The following IGSF21 variants were observed in gnomAD, a reference collection of about 807,000 sequenced individuals.
IGSF21 encodes the protein immunoglobulin superfamily member 21.
In IGSF21, 28 loss-of-function variants were observed where a neutral mutation model predicts 46.8. The ratio of observed to expected loss-of-function variants is 0.60; its 90% CI spans 0.44 to 0.82. The LOEUF (loss-of-function observed/expected upper bound fraction) is 0.82, where lower values mean the gene tolerates loss of function less well. Ranked by LOEUF, IGSF21 falls within the 40% of genes least tolerant of loss-of-function variation. The pLI is 0.00. For synonymous variants in IGSF21, 284 were observed against 273.6 expected (o/e 1.04, Z -0.38); for missense variants, 624 against 665.5 (o/e 0.94, Z 0.69).
chr1:18,352,937 G>A (rs555196455), intron 4 of IGSF21, among the ~76,000 whole-genome samples: 6 of 152,198 alleles, frequency 3.9e-5, no homozygotes, highest in Admixed American at 6.5e-5. Context: ...CTCAGATTCC[G>A]GCAATGACCT....
intron 2 of IGSF21, among the ~76,000 whole-genome samples, chr1:18,237,883 A>G (rs1407951642): frequency 2.0e-5 from 3 of 152,214 alleles, no homozygotes; most frequent in African/African-American, 7.2e-5. Context: ...CAATGTAATT[A>G]AACAATATAT....
chr1:18,158,201 C>A (rs1457797511), intron 1 of IGSF21, among the ~76,000 whole-genome samples: 2 of 152,220 alleles, frequency 1.3e-5, no homozygotes, highest in Non-Finnish European at 2.9e-5. Context: ...GCCTTAGGAC[C>A]CCCTGCCATG....
At chr1:18,198,473 G>A (rs929085734) in intron 1 of IGSF21, among the ~76,000 whole-genome samples, 11 of 152,214 alleles carry the variant, frequency 7.2e-5, no homozygotes, top group South Asian at 2.1e-4. Context: ...CCAAGGGATC[G>A]TCGTCATTCA....
rs116215347 is a variant in IGSF21, at chr1:18,337,632, G to A, written c.424+2622G>A. Reference sequence around the variant, plus strand: ...GTCTCTGGGAGTGGCAGAGACAGGGGTCTCTCCTTACTCACCTTCTCTGGG... The same window carrying A: ...GTCTCTGGGAGTGGCAGAGACAGGGATCTCTCCTTACTCACCTTCTCTGGG... On this transcript the variant is annotated intron_variant, in intron 4 of 9. Transcript: ENST00000251296. The surrounding 1 kb of genome is among the most constrained non-coding windows in gnomAD (Gnocchi z 5.7). Among the ~76,000 whole-genome samples the A allele has an allele frequency of 0.013, 1,641 of 124,988 alleles. 21 individuals carry two copies. The highest frequency in any genetic ancestry group is 0.044 in the African/African-American group (1,562 of 35,612). The allele number at this position is 124,988 out of a possible 152,430, so 82.0% of individuals were successfully genotyped here. A position where few individuals can be genotyped will look rare whatever the true frequency, so the allele number is the denominator to read the frequency against.
intron 1 of IGSF21, among the ~76,000 whole-genome samples, chr1:18,132,403 T>G (rs868657483): frequency 2.0e-5 from 3 of 152,198 alleles, no homozygotes; most frequent in South Asian, 2.1e-4. Context: ...GCATGGTGCA[T>G]GGCAAAAGGC....
rs569173648 is a variant in IGSF21, at chr1:18,290,934, G to A, written c.184-932G>A. On this transcript the variant is annotated intron_variant, in intron 2 of 9. Coordinates refer to ENST00000251296, the MANE Select transcript of IGSF21 (RefSeq NM_032880.5). The surrounding 1 kb of genome is among the most constrained non-coding windows in gnomAD (Gnocchi z 4.2). The stretch of plus-strand genomic sequence containing the variant: ...GGCCTCCCCATTGCAGGCTGTTAGC[G>A]CAGAGCCCAGCTGAGCTGCGAGAGG... Among the ~76,000 whole-genome samples the A allele has an allele frequency of 3.3e-5, 5 of 152,236 alleles. No individual in the cohort carries two copies. Among genetic ancestry groups the A allele is most frequent in the Admixed American group, 1.3e-4 (2 of 15,290 alleles).
At chr1:18,231,798 T>C (rs2084628188) in intron 2 of IGSF21, among the ~76,000 whole-genome samples, 1 of 152,118 alleles carries the variant, frequency 6.6e-6, no homozygotes, top group Non-Finnish European at 1.5e-5. Context: ...GCCTCTGGAA[T>C]ACACTGTGCT....
At chr1:18,294,849 C>T (rs901111570) in intron 3 of IGSF21, among the ~76,000 whole-genome samples, 10 of 152,226 alleles carry the variant, frequency 6.6e-5, no homozygotes, top group Non-Finnish European at 1.3e-4. Context: ...ATGCTGGGGG[C>T]GACTGCCTCT....
intron 3 of IGSF21, among the ~76,000 whole-genome samples, chr1:18,312,117 C>T (rs1290038735): frequency 6.6e-6 from 1 of 152,200 alleles, no homozygotes; most frequent in East Asian, 1.9e-4. Flanking sequence ...CTTGTTTGCC[C>T]ATCTCTTGTC....
At chr1:18,358,791 A>ATGG (rs2086052353) in intron 4 of IGSF21, among the ~76,000 whole-genome samples, 1 of 152,254 alleles carries the variant, frequency 6.6e-6, no homozygotes, top group Non-Finnish European at 1.5e-5. Context: ...AACTTGCCCA[A>ATGG]GGTCACACAG....
At chr1:18,280,756 C>A (rs1236787608) in intron 2 of IGSF21, among the ~76,000 whole-genome samples, 2 of 152,122 alleles carry the variant, frequency 1.3e-5, no homozygotes. Context: ...CCCTTCTACA[C>A]AGCACCCCCA....
At chr1:18,114,598 A>G (rs2086172665) in intron 1 of IGSF21, 4 of 152,244 alleles carry the variant, frequency 2.6e-5, no homozygotes, top group Admixed American at 2.6e-4. Context: ...AAAGTAGCAG[A>G]GGCCCTGACT....
intron 2 of IGSF21, among the ~76,000 whole-genome samples, chr1:18,285,537 C>A (rs1177195458): frequency 6.6e-6 from 1 of 152,128 alleles, no homozygotes; most frequent in African/African-American, 2.4e-5. Flanking sequence ...CCTCATGGAA[C>A]ATTTAGGGAA....
intron 2 of IGSF21, among the ~76,000 whole-genome samples, chr1:18,268,692 A>T (rs1258061673): frequency 6.6e-6 from 1 of 152,218 alleles, no homozygotes; most frequent in South Asian, 2.1e-4. Flanking sequence ...AACAAAAGGC[A>T]ATTTATTCCT....
chr1:18,367,952 A>T (rs1479200237), intron 6 of IGSF21, among the ~76,000 whole-genome samples: 1 of 152,066 alleles, frequency 6.6e-6, no homozygotes, highest in Non-Finnish European at 1.5e-5. Context: ...CTAAAAATAA[A>T]GGCTAACATT....
rs778296068 is a variant in IGSF21 at position 18,287,210 on chromosome 1, T to A, written c.184-4656T>A. ...AAAAAAAATAAAATAAATAAATAAA[T>A]AAAAATAAATAAAAATAAAAATAAA... On this transcript the variant is annotated intron_variant, in intron 2 of 9. Coordinates refer to ENST00000251296, the MANE Select transcript of IGSF21 (RefSeq NM_032880.5). 4.9e-3 allele frequency among the ~76,000 whole-genome samples: 685 copies of A among 139,336 alleles called. 9 individuals carry two copies. Among genetic ancestry groups the A allele is most frequent in the Non-Finnish European group, 8.4e-3 (539 of 64,390 alleles). 91.4% of individuals were successfully genotyped at this position (139,336 alleles called of 152,430 possible).
intron 1 of IGSF21, among the ~76,000 whole-genome samples, chr1:18,178,757 C>T (rs2086828686): frequency 1.3e-5 from 2 of 149,962 alleles, no homozygotes; most frequent in South Asian, 2.2e-4. Context: ...CCTTCCCCTT[C>T]CCCCTACCCC....
intron 2 of IGSF21, among the ~76,000 whole-genome samples, chr1:18,258,194 G>A (rs1219245982): frequency 1.3e-5 from 2 of 152,182 alleles, no homozygotes. Context: ...ATGGGAGAGG[G>A]AAAGGGGTTC....
rs2085253956 is a variant in IGSF21, at chr1:18,290,368, G to A, written c.184-1498G>A. On this transcript the variant is annotated intron_variant, in intron 2 of 9. Transcript: ENST00000251296. The surrounding 1 kb of genome is among the most constrained non-coding windows in gnomAD (Gnocchi z 4.2). ...CGCTAAGTCCCGACAGAGATAGGAG[G>A]GGTGTGGGCTTACGGAGGGGTAAGG... Among the ~76,000 whole-genome samples the A allele has an allele frequency of 6.6e-6, 1 of 152,194 alleles. No individual in the cohort carries two copies. Among genetic ancestry groups the A allele is most frequent in the Admixed American group, 6.5e-5 (1 of 15,288 alleles).
Sources: gnomAD v4.1 joint callset for allele counts (sites outside exome capture counted in the v4.1 genomes callset) on GRCh38, gnomAD v4.1.1 for gene constraint, Gnocchi (gnomAD v3.1) non-coding constraint, MANE v1.5 for transcripts, NCBI Gene and HGNC (gene_info 2026-07-23, HGNC 2026-07-21) for gene names.